KCNIP4: variants seen among roughly 807,000 people sequenced by gnomAD.
KCNIP4 encodes Kv channel-interacting protein 4.
KCNIP4 carries 12 observed loss-of-function variants against 34.0 expected under a neutral mutation model. The ratio of observed to expected loss-of-function variants is 0.35; its 90% CI spans 0.23 to 0.57. The LOEUF (loss-of-function observed/expected upper bound fraction) is 0.57. Among genes scored for constraint, KCNIP4 ranks in the 20% least tolerant of loss-of-function variants. The probability of loss-of-function intolerance (pLI) is 0.83; values close to 1 mark genes in which losing one functional copy is unlikely to be tolerated. For missense variants in KCNIP4, 238 were observed against 311.7 expected, an observed-to-expected ratio of 0.76 and a Z score of 1.78; for synonymous variants, 124 against 102.2, an observed-to-expected ratio of 1.21 and a Z score of -1.29.
At chr4:20,807,245 C>T (rs560981976) in intron 3 of KCNIP4, among the ~76,000 whole-genome samples, 2 of 152,224 alleles carry the variant, frequency 1.3e-5, no homozygotes, top group African/African-American at 4.8e-5. Context: ...GTCATTTACA[C>T]GTAATGTTAG....
At chr4:21,621,454 T>G (rs1449491407) in intron 1 of KCNIP4, among the ~76,000 whole-genome samples, 1 of 152,136 alleles carries the variant, frequency 6.6e-6, no homozygotes, top group Non-Finnish European at 1.5e-5. Flanking sequence ...CTCAACCTCC[T>G]AGGCTCAAGC....
intron 1 of KCNIP4, among the ~76,000 whole-genome samples, chr4:21,268,874 G>C (rs1017145120): frequency 6.6e-6 from 1 of 152,248 alleles, no homozygotes; most frequent in Non-Finnish European, 1.5e-5. Context: ...TAAAGAATGA[G>C]GATGTTTGAC....
At chr4:21,837,756 A>G (rs924208896) in intron 1 of KCNIP4, among the ~76,000 whole-genome samples, 1 of 152,104 alleles carries the variant, frequency 6.6e-6, no homozygotes, top group Non-Finnish European at 1.5e-5. Context: ...TTTAATTAAG[A>G]TGGCTAAAAG....
At chr4:21,613,809 T>C (rs1264001780) in intron 1 of KCNIP4, 1 of 152,106 alleles carries the variant, frequency 6.6e-6, no homozygotes, top group Non-Finnish European at 1.5e-5. Context: ...AATTCTTCTA[T>C]TCCTCAATGG....
At chr4:20,810,270 A>G (rs903852721) in intron 3 of KCNIP4, among the ~76,000 whole-genome samples, 2 of 152,104 alleles carry the variant, frequency 1.3e-5, no homozygotes, top group Non-Finnish European at 2.9e-5. Context: ...TTTGTCCTTT[A>G]TTGTATCGTC....
At chr4:21,029,617 AC>A (rs1740834880) in intron 1 of KCNIP4, among the ~76,000 whole-genome samples, 1 of 152,204 alleles carries the variant, frequency 6.6e-6, no homozygotes, top group African/African-American at 2.4e-5. Context: ...TCTATCACCA[AC>A]GACACCATTG....
intron 3 of KCNIP4, among the ~76,000 whole-genome samples, chr4:20,802,220 C>CTA (rs1290928466): frequency 0.012 from 662 of 55,582 alleles, 5 homozygotes; most frequent in Non-Finnish European, 0.016. Context: ...TACATATATG[C>CTA]TATACATATG....
intron 1 of KCNIP4, among the ~76,000 whole-genome samples, chr4:20,957,334 G>C (rs1020930232): frequency 6.6e-6 from 1 of 152,142 alleles, no homozygotes; most frequent in African/African-American, 2.4e-5. Flanking sequence ...AATTAGCAAT[G>C]TGTGCTTGAA....
chr4:21,714,560 T>G (rs1577888609), intron 1 of KCNIP4, among the ~76,000 whole-genome samples: 2 of 121,884 alleles, frequency 1.6e-5, no homozygotes, highest in African/African-American at 6.0e-5. Context: ...AGGGGGGGAT[T>G]AATGGGGGAA....
intron 1 of KCNIP4, among the ~76,000 whole-genome samples, chr4:21,091,266 G>A (rs928309948): frequency 6.6e-6 from 1 of 152,004 alleles, no homozygotes; most frequent in Non-Finnish European, 1.5e-5. Context: ...AATAATTCTA[G>A]GATTAAAATA....
chr4:21,215,366 A>G (rs1463612314), intron 1 of KCNIP4, among the ~76,000 whole-genome samples: 1 of 152,182 alleles, frequency 6.6e-6, no homozygotes, highest in African/African-American at 2.4e-5. Context: ...CAATGTTACA[A>G]TCTACACTTC....
chr4:21,485,763 T>C (rs1356292446), intron 1 of KCNIP4, among the ~76,000 whole-genome samples: 1 of 152,194 alleles, frequency 6.6e-6, no homozygotes, highest in African/African-American at 2.4e-5. Context: ...TGTCATTGTT[T>C]ATCACATTTC....
intron 1 of KCNIP4, among the ~76,000 whole-genome samples, chr4:21,262,515 T>C (rs1275138737): frequency 1.3e-5 from 2 of 152,210 alleles, no homozygotes; most frequent in Non-Finnish European, 2.9e-5. Flanking sequence ...GGCTTCATGA[T>C]GGATTTAGCT....
At chr4:21,901,209 A>C (rs1727685224) in intron 1 of KCNIP4, among the ~76,000 whole-genome samples, 1 of 152,192 alleles carries the variant, frequency 6.6e-6, no homozygotes, top group Admixed American at 6.6e-5. Flanking sequence ...GTGCAAAGTG[A>C]GGGGGTGGGA....
chr4:21,873,914 A>G (rs538209357), intron 1 of KCNIP4, among the ~76,000 whole-genome samples: 15 of 152,316 alleles, frequency 9.8e-5, no homozygotes, highest in African/African-American at 3.4e-4. Context: ...CAAGGCTGAG[A>G]CCTATTGTCA....
At chr4:21,282,459 A>T (rs201757971) in intron 1 of KCNIP4, among the ~76,000 whole-genome samples, 35 of 146,730 alleles carry the variant, frequency 2.4e-4, no homozygotes, top group Admixed American at 4.1e-4. Context: ...AAGATGTGTG[A>T]GTGTGTGTGT....
chr4:21,080,662 C>G (rs867457415), intron 1 of KCNIP4, among the ~76,000 whole-genome samples: 1 of 151,718 alleles, frequency 6.6e-6, no homozygotes, highest in African/African-American at 2.4e-5. Flanking sequence ...CATATTGAAT[C>G]CTCTCTCCTA....
At chr4:21,847,335 C>CAAGCATTTAAAA (rs1334557056) in intron 1 of KCNIP4, 1 of 152,166 alleles carries the variant, frequency 6.6e-6, no homozygotes, top group East Asian at 1.9e-4. Context: ...AATTAAATGC[C>CAAGCATTTAAAA]CCCAAGCATA....
intron 1 of KCNIP4, among the ~76,000 whole-genome samples, chr4:21,774,985 TTGATGG>T: frequency 6.6e-6 from 1 of 152,334 alleles, no homozygotes; most frequent in Admixed American, 6.5e-5. Flanking sequence ...TTCTGTGTCC[TTGATGG>T]AGAGATGTTG....
Sources: allele counts gnomAD v4.1 joint callset (sites outside exome capture counted in the v4.1 genomes callset), GRCh38; gene constraint gnomAD v4.1.1; transcripts MANE v1.5; gene names NCBI Gene and HGNC (gene_info 2026-07-23, HGNC 2026-07-21).